The following TRIM37 variants were observed in gnomAD, a reference collection of about 807,000 sequenced individuals.
The protein encoded by TRIM37 is tripartite motif containing 37.
Under a neutral mutation model 129.8 loss-of-function variants are expected in TRIM37, and 80 were observed. The observed-to-expected ratio is 0.62, with a 90% CI of 0.51 to 0.74. The LOEUF is 0.74. TRIM37 is among the 30% of genes least tolerant of loss of function. The pLI is 0.00. For missense variants in TRIM37, 1,054 were observed against 1,176.5 expected (o/e 0.90, Z 1.52); for synonymous variants, 389 against 387.1 (o/e 1.00, Z -0.06).
rs144216446 is a variant in TRIM37 at position 59,088,847 on chromosome 17, A to G, written c.165-440T>C. 9.4e-3 allele frequency among the ~76,000 whole-genome samples: 1,434 copies of G among 152,322 alleles called. 21 individuals are homozygous for G. Among genetic ancestry groups the G allele is most frequent in the African/African-American group, 0.032 (1,349 of 41,572 alleles). On this transcript the variant is annotated intron_variant, in intron 3 of 23. Transcript: ENST00000262294. ...AAAAAAATAAAAAATAAAAAAAAAG[A>G]CAATGAAAAATATTATCTGTGACTT...
intron 24 of TRIM37, among the ~76,000 whole-genome samples, chr17:58,988,155 T>C (rs1371240346): frequency 6.6e-6 from 1 of 152,064 alleles, no homozygotes; most frequent in African/African-American, 2.4e-5. Context: ...AAAGTGATGA[T>C]TGGTGAAGGC....
At chr17:59,067,029 T>C (rs1312860517) in intron 9 of TRIM37, among the ~76,000 whole-genome samples, 1 of 151,172 alleles carries the variant, frequency 6.6e-6, no homozygotes, top group Non-Finnish European at 1.5e-5. Flanking sequence ...ATTTAAATTT[T>C]ATTTATTTAT....
At chr17:58,989,664 A>C (rs1055399058) in intron 24 of TRIM37, among the ~76,000 whole-genome samples, 3 of 152,172 alleles carry the variant, frequency 2.0e-5, no homozygotes, top group African/African-American at 7.2e-5. Flanking sequence ...TAAGTTAAAA[A>C]AATTACCTTA....
chr17:59,042,448 AAATATAT>A (rs1568066407), intron 16 of TRIM37, among the ~76,000 whole-genome samples: 1 of 45,198 alleles, frequency 2.2e-5, no homozygotes, highest in Non-Finnish European at 4.7e-5. Flanking sequence ...AAAAAAAAAA[AAATATAT>A]ATATATATAT....
At chr17:59,061,570 T>C (rs762222911) in intron 11 of TRIM37, among the ~76,000 whole-genome samples, 8 of 152,270 alleles carry the variant, frequency 5.3e-5, no homozygotes, top group Non-Finnish European at 7.4e-5. Flanking sequence ...AGATTCTGTC[T>C]AGAGATTGAG....
intron 20 of TRIM37, 75 bp downstream of exon 20, chr17:59,017,221 G>A (rs2036054932): frequency 1.9e-6 from 3 of 1,566,764 alleles, no homozygotes; most frequent in Non-Finnish European, 2.6e-6. Context: ...AAGATCTAAA[G>A]CTCCACGATA....
Position 59,106,501 on chromosome 17 carries a change from C to T in TRIM37, c.-40G>A. 1 of 1,612,646 alleles carries T rather than the reference C, an allele frequency of 6.2e-7. No individual in the cohort carries two copies. Among genetic ancestry groups the T allele is most frequent in the East Asian group, 2.2e-5 (1 of 44,802 alleles). On this transcript the variant is annotated 5_prime_UTR_variant, in exon 1 of 24. Coordinates refer to ENST00000262294, the MANE Select transcript of TRIM37 (RefSeq NM_015294.6). Reference sequence around the variant, plus strand: ...GGCGGGGCCGCTGGCGACCCGCAGGCTCCGCAGTCTGACCTCTTAGGCGCC... The same window carrying T: ...GGCGGGGCCGCTGGCGACCCGCAGGTTCCGCAGTCTGACCTCTTAGGCGCC...
At chr17:58,989,225 C>T (rs1045871931) in intron 24 of TRIM37, among the ~76,000 whole-genome samples, 1 of 152,242 alleles carries the variant, frequency 6.6e-6, no homozygotes, top group East Asian at 1.9e-4. Flanking sequence ...TGCCTGAGGT[C>T]ATGAGTTCGA....
chr17:58,986,796 C>T (rs2031860193), intron 24 of TRIM37, among the ~76,000 whole-genome samples: 1 of 152,192 alleles, frequency 6.6e-6, no homozygotes. Flanking sequence ...AGGTGTGAGA[C>T]ACCACGCCCA....
At chr17:59,084,765 C>G (rs1386581876) in intron 4 of TRIM37, among the ~76,000 whole-genome samples, 1 of 152,052 alleles carries the variant, frequency 6.6e-6, no homozygotes, top group Non-Finnish European at 1.5e-5. Flanking sequence ...GGACTGGTGT[C>G]CTCTATAAAG....
At chr17:59,016,540 ATTGT>A (rs1322284528) in intron 20 of TRIM37, among the ~76,000 whole-genome samples, 2 of 141,064 alleles carry the variant, frequency 1.4e-5, no homozygotes, top group African/African-American at 2.6e-5. Context: ...AGACAGGAAG[ATTGT>A]TTGAGCCCAA....
chr17:59,017,218 A>G, intron 20 of TRIM37, 78 bp downstream of exon 20: 1 of 1,563,924 alleles, frequency 6.4e-7, no homozygotes, highest in Non-Finnish European at 8.8e-7. Context: ...TTCAAGATCT[A>G]AAGCTCCACG....
chr17:59,079,417 T>TC (rs2043079164), intron 7 of TRIM37, among the ~76,000 whole-genome samples: 1 of 152,130 alleles, frequency 6.6e-6, no homozygotes. Context: ...AGTTTCTTCA[T>TC]CCCCAATGAA....
At position 59,104,424 on chromosome 17, in the gene TRIM37, C is replaced by T. The variant is rs201146829; in HGVS notation, c.22-30G>A. 1.0e-4 allele frequency: 159 copies of T among 1,591,518 alleles called. 2 individuals are homozygous for T. Among genetic ancestry groups the T allele is most frequent in the Admixed American group, 1.7e-5 (1 of 59,980 alleles). The stretch of plus-strand genomic sequence containing the variant: ...AAACAGTAAAAGATGTAAGGTCCAC[C>T]AGTTTAGGCTACTGAATCAAGAGTA... On this transcript the variant is annotated intron_variant, in intron 1 of 23. Coordinates refer to ENST00000262294, the MANE Select transcript of TRIM37 (RefSeq NM_015294.6).
At chr17:59,014,776 G>A (rs757477142) in intron 21 of TRIM37, among the ~76,000 whole-genome samples, 10 of 151,462 alleles carry the variant, frequency 6.6e-5, no homozygotes, top group Non-Finnish European at 1.0e-4. Context: ...ACAAGGCAGA[G>A]TTCAGATAAG....
intron 5 of TRIM37, among the ~76,000 whole-genome samples, chr17:59,081,964 A>AAAAAAAT (rs1568200247): frequency 9.2e-5 from 8 of 87,198 alleles, no homozygotes; most frequent in South Asian, 3.9e-4. Context: ...AAAAAAAAAA[A>AAAAAAAT]AATAATAATA....
rs2033221133 is a variant in TRIM37, at chr17:58,998,368, C to T, written c.*1009G>A. ...TCACATGTATATTTAATTATTCATG[C>T]TTTTTCAATAGTCTCTTAGTCAACT... On this transcript the variant is annotated 3_prime_UTR_variant, in exon 24 of 24. Transcript: ENST00000262294. 1 of 985,220 alleles carries T rather than the reference C, an allele frequency of 1.0e-6. No homozygotes were observed. The highest frequency in any genetic ancestry group is 1.7e-5 in the African/African-American group (1 of 57,212). 61.0% of individuals were successfully genotyped at this position (985,220 alleles called of 1,614,324 possible).
rs187817941 is a variant in TRIM37, at chr17:58,991,516, C to A, written c.2891+7865G>T. On this transcript the variant is annotated intron_variant, in intron 24 of 24. Coordinates refer to the TRIM37 transcript ENST00000393066. ...AAAAAAAAGTAATAATAAATAAATA[C>A]CACCAATTCTACACCCTCTTTTCCA... Among the ~76,000 whole-genome samples, 59 of 152,016 alleles carry A rather than the reference C, an allele frequency of 3.9e-4. 2 individuals carry two copies. In the East Asian group the frequency reaches 0.011, roughly 27 times the overall value.
chr17:59,019,923 G>C (rs1264772470), intron 19 of TRIM37, among the ~76,000 whole-genome samples: 1 of 152,006 alleles, frequency 6.6e-6, no homozygotes, highest in Non-Finnish European at 1.5e-5. Context: ...TGAATTATTG[G>C]TTAAGGAAAA....
Sources: allele counts gnomAD v4.1 joint callset (sites outside exome capture counted in the v4.1 genomes callset), GRCh38; gene constraint gnomAD v4.1.1; transcripts MANE v1.5; gene names NCBI Gene and HGNC (gene_info 2026-07-23, HGNC 2026-07-21).